Variants in SVOPL observed in about 807,000 individuals in gnomAD.
SVOPL encodes the protein putative transporter SVOPL.
Under a neutral mutation model 61.0 loss-of-function variants are expected in SVOPL, and 60 were observed. The ratio of observed to expected loss-of-function variants is 0.98; its 90% CI spans 0.80 to 1.22. SVOPL has a LOEUF of 1.22. Among genes scored for constraint, SVOPL ranks in the 50% most tolerant of loss-of-function variants. The pLI, the probability that SVOPL is intolerant of heterozygous loss-of-function variation, is 0.00. For missense variants in SVOPL, 662 were observed against 643.9 expected (o/e 1.03, Z -0.30); for synonymous variants, 279 against 250.0 (o/e 1.12, Z -1.09).
Position 138,599,170 on chromosome 7 carries a change from G to A in SVOPL, c.1354-2640C>T, listed in dbSNP as rs13229249. ...AAAAAAAAAAAAACCAAAAAAAAAAGAAATACAGAAATGTCAAAAGACAAA... is the reference window on the plus strand; with the variant it reads ...AAAAAAAAAAAAACCAAAAAAAAAAAAAATACAGAAATGTCAAAAGACAAA... On this transcript the variant is annotated intron_variant, in intron 14 of 15. Transcript: ENST00000674285. 9.3e-3 allele frequency among the ~76,000 whole-genome samples: 504 copies of A among 54,000 alleles called. 2 individuals carry two copies. The highest frequency in any genetic ancestry group is 0.039 in the African/African-American group (438 of 11,220). 35.4% of individuals were successfully genotyped at this position (54,000 alleles called of 152,430 possible).
At chr7:138,618,425 C>T (rs547407150) in intron 14 of SVOPL, among the ~76,000 whole-genome samples, 3 of 151,864 alleles carry the variant, frequency 2.0e-5, no homozygotes, top group Middle Eastern at 3.4e-3. Flanking sequence ...CTTTGGGAGG[C>T]GAGGCGGGCC....
At chr7:138,631,988 A>ACACACACACC (rs1563104599) in intron 9 of SVOPL, among the ~76,000 whole-genome samples, 1 of 151,804 alleles carries the variant, frequency 6.6e-6, no homozygotes, top group Non-Finnish European at 1.5e-5. Context: ...ACACACATAC[A>ACACACACACC]CACACCCCTA....
chr7:138,622,254 GTATC>G (rs1380131790), intron 13 of SVOPL, among the ~76,000 whole-genome samples: 41 of 52,846 alleles, frequency 7.8e-4, no homozygotes, highest in South Asian at 1.4e-3. Context: ...ATCTATCTAT[GTATC>G]TATCTATCTA....
rs1034554098 is a variant in SVOPL at position 138,630,968 on chromosome 7, A to C, written c.790-846T>G. ...CAAAAAAAGAAAAAAAAAAAAAAAA[A>C]AGCAAGGAAGAGTTACATGATGGCA... is the stretch of plus-strand genomic sequence containing the variant. On this transcript the variant is annotated intron_variant, in intron 9 of 15. Transcript: ENST00000674285. 3.3e-5 allele frequency among the ~76,000 whole-genome samples: 5 copies of C among 151,080 alleles called. 1 individual carries two copies. The highest frequency in any genetic ancestry group is 7.4e-5 in the Non-Finnish European group (5 of 67,732).
chr7:138,668,399 G>C (rs1029152262), intron 4 of SVOPL, among the ~76,000 whole-genome samples: 2 of 152,236 alleles, frequency 1.3e-5, no homozygotes, highest in South Asian at 2.1e-4. Flanking sequence ...TCTAGTCAGC[G>C]GGCAAGGTGA....
chr7:138,659,482 ACT>A lies in SVOPL; in HGVS notation c.470+380_470+381del, dbSNP rs541522615. Reference sequence around the variant, plus strand: ...ACTCCAGCCTGAGCAACAGAGCCAGACTCTATCTCGAAAAAAAAAAAAAAAAT... The same window carrying A: ...ACTCCAGCCTGAGCAACAGAGCCAGACTATCTCGAAAAAAAAAAAAAAAAT... On this transcript the variant is annotated intron_variant, in intron 6 of 15. Coordinates refer to ENST00000674285, the MANE Select transcript of SVOPL (RefSeq NM_001139456.2). Among the ~76,000 whole-genome samples the A allele has an allele frequency of 1.7e-3, 245 of 140,868 alleles. 3 individuals are homozygous for A. Among genetic ancestry groups the A allele is most frequent in the African/African-American group, 6.3e-3 (229 of 36,248 alleles). The allele number at this position is 140,868 out of a possible 152,430, so 92.4% of individuals were successfully genotyped here. A position where few individuals can be genotyped will look rare whatever the true frequency, so the allele number is the denominator to read the frequency against.
chr7:138,679,431 G>A (rs1452439523), intron 1 of SVOPL, among the ~76,000 whole-genome samples: 1 of 151,970 alleles, frequency 6.6e-6, no homozygotes, highest in Non-Finnish European at 1.5e-5. Flanking sequence ...CACCATGCCT[G>A]GCTAATTTTT....
chr7:138,676,946 AG>A (rs1802578730), intron 3 of SVOPL, among the ~76,000 whole-genome samples: 1 of 142,756 alleles, frequency 7.0e-6, no homozygotes, highest in Non-Finnish European at 1.5e-5. Flanking sequence ...CTCTGTCATC[AG>A]GGCTGGAGTG....
At chr7:138,664,176 C>A (rs1037557006) in intron 4 of SVOPL, 1 of 958,804 alleles carries the variant, frequency 1.0e-6, no homozygotes, top group Non-Finnish European at 1.2e-6. Context: ...TTCTTGTGCA[C>A]CCTACCCTGC....
At chr7:138,621,253 C>A in intron 13 of SVOPL, 118 bp from the exon 14 acceptor site, 1 of 692,934 alleles carries the variant, frequency 1.4e-6, no homozygotes, top group Non-Finnish European at 2.3e-6. Flanking sequence ...AACACAGTTA[C>A]AGAATATGGA....
At chr7:138,671,308 A>C (rs1802410239) in intron 4 of SVOPL, among the ~76,000 whole-genome samples, 1 of 152,148 alleles carries the variant, frequency 6.6e-6, no homozygotes, top group African/African-American at 2.4e-5. Context: ...GGATATCTTC[A>C]ATTCCACTTT....
intron 14 of SVOPL, among the ~76,000 whole-genome samples, chr7:138,609,886 CCA>C (rs1181533486): frequency 1.3e-5 from 2 of 152,036 alleles, no homozygotes; most frequent in African/African-American, 4.8e-5. Flanking sequence ...GCACCCGCCA[CCA>C]CACTCAGATA....
chr7:138,671,971 C>G, intron 4 of SVOPL, 48 bp downstream of exon 4: 1 of 1,515,000 alleles, frequency 6.6e-7, no homozygotes, highest in Non-Finnish European at 9.0e-7. Flanking sequence ...GGAAAGGGAG[C>G]CTACGCCCTC....
chr7:138,619,831 A>G (rs1799470471), intron 14 of SVOPL, among the ~76,000 whole-genome samples: 2 of 152,104 alleles, frequency 1.3e-5, no homozygotes, highest in African/African-American at 4.8e-5. Context: ...GGATTCAGAG[A>G]GAGCTAATCA....
At chr7:138,650,601 G>A (rs1211343445) in intron 7 of SVOPL, among the ~76,000 whole-genome samples, 1 of 148,016 alleles carries the variant, frequency 6.8e-6, no homozygotes, top group Non-Finnish European at 1.5e-5. Flanking sequence ...CTTGAAGCCA[G>A]GAGTTTGAGA....
intron 7 of SVOPL, among the ~76,000 whole-genome samples, chr7:138,652,241 AG>A (rs1563120799): frequency 2.0e-5 from 3 of 152,052 alleles, no homozygotes; most frequent in South Asian, 2.1e-4. Context: ...TAGCAGAGAC[AG>A]GGTTTCACCA....
chr7:138,603,114 A>C (rs1318621011), intron 14 of SVOPL, among the ~76,000 whole-genome samples: 3 of 152,210 alleles, frequency 2.0e-5, no homozygotes, highest in Non-Finnish European at 4.4e-5. Flanking sequence ...CCAGAGAGAC[A>C]AAACATATGT....
At chr7:138,611,887 G>T (rs1214613303) in intron 14 of SVOPL, among the ~76,000 whole-genome samples, 6 of 73,076 alleles carry the variant, frequency 8.2e-5, no homozygotes, top group Admixed American at 2.2e-4. Flanking sequence ...CACCCCGTCT[G>T]GGAGGTGTGC....
chr7:138,641,814 TTATA>T (rs10666134), intron 9 of SVOPL, among the ~76,000 whole-genome samples: 2 of 120,968 alleles, frequency 1.7e-5, no homozygotes, highest in African/African-American at 6.1e-5. Context: ...TATATATATG[TTATA>T]TATATATATA....
Sources: gnomAD v4.1 joint callset for allele counts (sites outside exome capture counted in the v4.1 genomes callset) on GRCh38, gnomAD v4.1.1 for gene constraint, MANE v1.5 for transcripts, NCBI Gene and HGNC (gene_info 2026-07-23, HGNC 2026-07-21) for gene names.